Variants in LY96 observed in about 807,000 individuals in gnomAD.
The protein encoded by LY96 is lymphocyte antigen 96.
LY96 carries 18 observed loss-of-function variants against 18.9 expected under a neutral mutation model. The ratio of observed to expected loss-of-function variants is 0.95; its 90% CI spans 0.66 to 1.41. The LOEUF (loss-of-function observed/expected upper bound fraction) is 1.41, where lower values mean the gene tolerates loss of function less well. LY96 is among the 40% of genes most tolerant of loss of function. The pLI is 0.00. For synonymous variants in LY96, 66 were observed against 62.6 expected, an observed-to-expected ratio of 1.06 and a Z score of -0.26; for missense variants, 175 against 182.4, an observed-to-expected ratio of 0.96 and a Z score of 0.23.
chr8:74,057,373 A>C, the LY96 span, among the ~76,000 whole-genome samples: 2 of 152,202 alleles, frequency 1.3e-5, no homozygotes, highest in African/African-American at 4.8e-5. Context: ...AATGGCAAAC[A>C]TACAGGGATT....
At chr8:74,050,366 AT>A in the LY96 span, among the ~76,000 whole-genome samples, 1 of 152,006 alleles carries the variant, frequency 6.6e-6, no homozygotes, top group African/African-American at 2.4e-5. Context: ...GTTAAAATAA[AT>A]TTAGTATGAA....
At chr8:74,065,376 A>G in the LY96 span, among the ~76,000 whole-genome samples, 1 of 152,204 alleles carries the variant, frequency 6.6e-6, no homozygotes, top group Non-Finnish European at 1.5e-5. Context: ...GGTTCTTTTC[A>G]TCAACAGGCT....
intron 1 of LY96, among the ~76,000 whole-genome samples, chr8:73,994,477 G>T (rs188766670): frequency 6.6e-5 from 10 of 152,204 alleles, no homozygotes. Flanking sequence ...TGGTCAAGCT[G>T]CTGGGCATCT....
chr8:74,030,879 C>T (rs796222715), downstream of LY96, among the ~76,000 whole-genome samples: 4 of 152,366 alleles, frequency 2.6e-5, no homozygotes, highest in African/African-American at 9.6e-5. Context: ...AGCATGGCTG[C>T]CAGCCTTATA....
intron 4 of LY96, among the ~76,000 whole-genome samples, chr8:74,028,411 A>T (rs1816913195): frequency 6.6e-6 from 1 of 152,224 alleles, no homozygotes; most frequent in Non-Finnish European, 1.5e-5. Flanking sequence ...AAAGCACTGG[A>T]TGACCATTGT....
At chr8:74,086,193 C>G in the LY96 span, among the ~76,000 whole-genome samples, 1 of 152,186 alleles carries the variant, frequency 6.6e-6, no homozygotes, top group African/African-American at 2.4e-5. Context: ...GTCACTCAAT[C>G]GGAGTCATTC....
chr8:74,033,062 T>C (rs1475848549), downstream of LY96, among the ~76,000 whole-genome samples: 3 of 152,162 alleles, frequency 2.0e-5, no homozygotes, highest in African/African-American at 7.2e-5. Flanking sequence ...AGGGGGCCCT[T>C]TTTACATGGG....
At chr8:74,074,860 T>G in the LY96 span, among the ~76,000 whole-genome samples, 1 of 152,250 alleles carries the variant, frequency 6.6e-6, no homozygotes, top group African/African-American at 2.4e-5. Context: ...CTGGATATTA[T>G]TTCAATTTTT....
the LY96 span, among the ~76,000 whole-genome samples, chr8:74,062,653 C>T: frequency 6.6e-5 from 10 of 152,210 alleles, no homozygotes; most frequent in South Asian, 2.1e-3. Flanking sequence ...TGTTGATGGG[C>T]GTTTGGGTTG....
chr8:74,085,116 G>C, the LY96 span, among the ~76,000 whole-genome samples: 1 of 152,154 alleles, frequency 6.6e-6, no homozygotes, highest in Non-Finnish European at 1.5e-5. Flanking sequence ...ACTATTATAT[G>C]CCAGCTGCGG....
At chr8:74,053,518 A>C in the LY96 span, among the ~76,000 whole-genome samples, 1 of 152,172 alleles carries the variant, frequency 6.6e-6, no homozygotes, top group Admixed American at 6.5e-5. Flanking sequence ...CATTCCTTGC[A>C]GTGCCTTCCT....
At chr8:74,023,963 C>G (rs1816819461) in intron 3 of LY96, among the ~76,000 whole-genome samples, 1 of 152,140 alleles carries the variant, frequency 6.6e-6, no homozygotes, top group Non-Finnish European at 1.5e-5. Context: ...GTTTTATGTT[C>G]TAGTAACTTT....
chr8:73,991,677 G>C (rs530905591), intron 1 of LY96, 123 bp downstream of exon 1: 1 of 677,620 alleles, frequency 1.5e-6, no homozygotes, highest in Non-Finnish European at 2.7e-6. Context: ...CTGCTGTGGC[G>C]GACGCTGCCA....
the LY96 span, among the ~76,000 whole-genome samples, chr8:74,081,118 T>TTTCTTTCTTTCTTTCC: frequency 1.5e-5 from 2 of 136,934 alleles, no homozygotes; most frequent in East Asian, 2.0e-4. Flanking sequence ...TCTTTCTTTC[T>TTTCTTTCTTTCTTTCC]TTCTTTCCTT....
At chr8:74,065,751 T>C in the LY96 span, among the ~76,000 whole-genome samples, 116 of 152,328 alleles carry the variant, frequency 7.6e-4, no homozygotes, top group East Asian at 0.02. Flanking sequence ...CCAGTTAGCA[T>C]TGAATTACAG....
At chr8:74,028,742 T>C (rs764953510) in intron 4 of LY96, among the ~76,000 whole-genome samples, 14 of 152,242 alleles carry the variant, frequency 9.2e-5, no homozygotes, top group Non-Finnish European at 1.9e-4. Context: ...CCTCTTAGGT[T>C]AGTTTTTAAA....
intron 2 of LY96, among the ~76,000 whole-genome samples, chr8:74,009,637 G>C (rs561871143): frequency 2.0e-5 from 3 of 152,242 alleles, no homozygotes; most frequent in African/African-American, 7.2e-5. Context: ...CTGTCTCACT[G>C]TCCTTCCTTT....
At chr8:74,049,900 C>A in the LY96 span, among the ~76,000 whole-genome samples, 3 of 152,148 alleles carry the variant, frequency 2.0e-5, no homozygotes, top group Non-Finnish European at 4.4e-5. Flanking sequence ...CATCTGTAGT[C>A]CCAGCTACTC....
the LY96 span, among the ~76,000 whole-genome samples, chr8:74,080,982 CTCTCTT>C: frequency 4.3e-4 from 55 of 127,782 alleles, no homozygotes; most frequent in Admixed American, 1.8e-3. Flanking sequence ...CTTTCTTTCT[CTCTCTT>C]TCTTTCTTTC....
Sources: gnomAD v4.1 joint callset for allele counts (sites outside exome capture counted in the v4.1 genomes callset) on GRCh38, gnomAD v4.1.1 for gene constraint, MANE v1.5 for transcripts, NCBI Gene and HGNC (gene_info 2026-07-23, HGNC 2026-07-21) for gene names.